The following UBE3C variants were observed in gnomAD, a reference collection of about 807,000 sequenced individuals.
UBE3C encodes the protein ubiquitin protein ligase E3C, also known as ubiquitin-protein ligase E3C.
UBE3C carries 42 observed loss-of-function variants against 129.4 expected under a neutral mutation model. That is an observed-to-expected ratio of 0.32 (90% CI 0.25 to 0.42). The LOEUF is 0.42. Among genes scored for constraint, UBE3C ranks in the 10% least tolerant of loss-of-function variants. The pLI, the probability that UBE3C is intolerant of heterozygous loss-of-function variation, is 1.00. For synonymous variants in UBE3C, 510 were observed against 492.4 expected (o/e 1.04, Z -0.47); for missense variants, 1,049 against 1,319.1 (o/e 0.80, Z 3.17).
intron 11 of UBE3C, among the ~76,000 whole-genome samples, chr7:157,204,288 G>A (rs765004539): frequency 9.8e-4 from 148 of 151,614 alleles, no homozygotes; most frequent in South Asian, 1.7e-3. Flanking sequence ...AGGACTTACA[G>A]CTTTAGTGGG....
intron 13 of UBE3C, among the ~76,000 whole-genome samples, chr7:157,214,490 A>G (rs1313167608): frequency 6.6e-6 from 1 of 152,178 alleles, no homozygotes; most frequent in East Asian, 1.9e-4. Flanking sequence ...ATTCCATGGG[A>G]TGATGCAATT....
chr7:157,145,986 C>T (rs954510961), intron 1 of UBE3C, among the ~76,000 whole-genome samples: 1 of 152,084 alleles, frequency 6.6e-6, no homozygotes, highest in Non-Finnish European at 1.5e-5. Context: ...AAAGTCATTA[C>T]CAAAGCCAAG....
chr7:157,208,580 T>G (rs1223600890), intron 13 of UBE3C, among the ~76,000 whole-genome samples: 11 of 152,254 alleles, frequency 7.2e-5, no homozygotes, highest in Non-Finnish European at 1.6e-4. Context: ...TAAAATGTTT[T>G]TATTTTTCAC....
rs527440631 is a variant in UBE3C at position 157,181,883 on chromosome 7, T to C, written c.770+212T>C. On this transcript the variant is annotated intron_variant, in intron 7 of 22. Coordinates refer to ENST00000348165, the MANE Select transcript of UBE3C (RefSeq NM_014671.3). ...CTGATAACATGGTTATTTTCCTGCT[T>C]TTCTAAGTAACTGTCAAAAATTAAC... Among the ~76,000 whole-genome samples, 3 of 152,370 alleles carry C rather than the reference T, an allele frequency of 2.0e-5. No homozygotes were observed. The South Asian group carries it at 6.2e-4, about 32-fold the overall frequency.
intron 1 of UBE3C, among the ~76,000 whole-genome samples, chr7:157,155,683 TTTGAAATCATC>T (rs1807883911): frequency 1.3e-5 from 2 of 152,232 alleles, no homozygotes; most frequent in Admixed American, 1.3e-4. Flanking sequence ...TTTCCCCCCA[TTTGAAATCATC>T]TTGGTAAGAC....
intron 5 of UBE3C, among the ~76,000 whole-genome samples, chr7:157,178,446 T>C (rs766260170): frequency 6.6e-6 from 1 of 152,220 alleles, no homozygotes; most frequent in Non-Finnish European, 1.5e-5. Flanking sequence ...CACTGTCCAT[T>C]TTTCTTGTCT....
rs6972626 is a variant in UBE3C at position 157,170,141 on chromosome 7, A to T, written c.196-163A>T. Reference sequence around the variant, plus strand: ...GGTTTTTTTTTTTTTTTTTCTTTTTAACCATTTTTTTTCTACAATTCAACT... The same window carrying T: ...GGTTTTTTTTTTTTTTTTTCTTTTTTACCATTTTTTTTCTACAATTCAACT... On this transcript the variant is annotated intron_variant, in intron 3 of 22. Transcript: ENST00000348165. 2.4e-3 allele frequency among the ~76,000 whole-genome samples: 316 copies of T among 129,814 alleles called. 1 individual carries two copies. Among genetic ancestry groups the T allele is most frequent in the African/African-American group, 8.5e-3 (271 of 31,772 alleles). 85.2% of individuals were successfully genotyped at this position (129,814 alleles called of 152,430 possible).
chr7:157,194,176 A>G (rs569770015), intron 10 of UBE3C, among the ~76,000 whole-genome samples: 1 of 152,154 alleles, frequency 6.6e-6, no homozygotes, highest in Non-Finnish European at 1.5e-5. Context: ...TCTTTTTGAA[A>G]TGGGGCTGGC....
chr7:157,143,536 A>G (rs1807517256), intron 1 of UBE3C, among the ~76,000 whole-genome samples: 1 of 152,076 alleles, frequency 6.6e-6, no homozygotes, highest in African/African-American at 2.4e-5. Flanking sequence ...CATTTCTCAC[A>G]CATGGTTTCC....
intron 10 of UBE3C, among the ~76,000 whole-genome samples, chr7:157,189,696 A>C (rs1202006720): frequency 6.6e-6 from 1 of 152,068 alleles, no homozygotes; most frequent in Non-Finnish European, 1.5e-5. Flanking sequence ...CATAGATACC[A>C]TATTCATGTG....
intron 22 of UBE3C, among the ~76,000 whole-genome samples, chr7:157,262,085 C>T (rs890039320): frequency 1.3e-5 from 2 of 152,206 alleles, no homozygotes; most frequent in Non-Finnish European, 2.9e-5. Context: ...TCACTGACCC[C>T]TTCATTCAGA....
intron 6 of UBE3C, among the ~76,000 whole-genome samples, chr7:157,180,754 T>G (rs2116919374): frequency 6.6e-6 from 1 of 152,332 alleles, no homozygotes; most frequent in South Asian, 2.1e-4. Context: ...CTGGATATTT[T>G]AAGAGGTTCT....
At chr7:157,186,451 T>C (rs1002231258) in intron 9 of UBE3C, among the ~76,000 whole-genome samples, 4 of 151,962 alleles carry the variant, frequency 2.6e-5, no homozygotes, top group Non-Finnish European at 5.9e-5. Flanking sequence ...CTCTCACTTA[T>C]TTTGCTTAAA....
intron 1 of UBE3C, among the ~76,000 whole-genome samples, chr7:157,156,965 G>A (rs1807926768): frequency 6.6e-6 from 1 of 152,096 alleles, no homozygotes; most frequent in African/African-American, 2.4e-5. Flanking sequence ...TATAGTTAAT[G>A]TCTTCAGTTA....
chr7:157,154,686 A>C (rs904805271), intron 1 of UBE3C, among the ~76,000 whole-genome samples: 1 of 152,236 alleles, frequency 6.6e-6, no homozygotes, highest in Non-Finnish European at 1.5e-5. Context: ...GTAAGAAAAG[A>C]AAGTCTCTTG....
intron 6 of UBE3C, among the ~76,000 whole-genome samples, chr7:157,179,252 A>T (rs1001175359): frequency 1.3e-5 from 2 of 152,018 alleles, no homozygotes; most frequent in African/African-American, 4.8e-5. Context: ...TATGAGTTGA[A>T]CATCACTCCA....
intron 22 of UBE3C, among the ~76,000 whole-genome samples, chr7:157,264,919 T>C (rs1370415410): frequency 6.6e-6 from 1 of 152,218 alleles, no homozygotes. Context: ...TTCAGTTTTC[T>C]AGGCTACCTT....
intron 22 of UBE3C, among the ~76,000 whole-genome samples, chr7:157,265,419 C>T (rs891734778): frequency 1.3e-5 from 2 of 152,200 alleles, no homozygotes; most frequent in African/African-American, 4.8e-5. Flanking sequence ...TCTTCGTGGC[C>T]ATCAGAGGAC....
intron 18 of UBE3C, among the ~76,000 whole-genome samples, chr7:157,244,029 A>T (rs1437139300): frequency 6.6e-6 from 1 of 152,120 alleles, no homozygotes; most frequent in Non-Finnish European, 1.5e-5. Flanking sequence ...TCAGGAGTTC[A>T]AGACAATCCT....
Sources: gnomAD v4.1 joint callset for allele counts (sites outside exome capture counted in the v4.1 genomes callset) on GRCh38, gnomAD v4.1.1 for gene constraint, MANE v1.5 for transcripts, NCBI Gene and HGNC (gene_info 2026-07-23, HGNC 2026-07-21) for gene names.